RABGAP1: variants seen among roughly 807,000 people sequenced by gnomAD.
RABGAP1 encodes the protein RAB GTPase activating protein 1, also known as rab GTPase-activating protein 1.
Under a neutral mutation model 137.6 loss-of-function variants are expected in RABGAP1, and 23 were observed. The observed-to-expected ratio is 0.17, with a 90% confidence interval of 0.12 to 0.24. The LOEUF (loss-of-function observed/expected upper bound fraction) is 0.24. RABGAP1 is among the 10% of genes least tolerant of loss of function. The pLI is 1.00. For synonymous variants in RABGAP1, 451 were observed against 450.7 expected (o/e 1.00, Z -0.01); for missense variants, 906 against 1,275.8 (o/e 0.71, Z 4.42).
chr9:123,051,216 G>GTTTTTTTTTTTTTTTTTTTT lies in RABGAP1; in HGVS notation c.1795-14103_1795-14084dup, dbSNP rs552457119. 5.8e-5 allele frequency among the ~76,000 whole-genome samples: 2 copies of GTTTTTTTTTTTTTTTTTTTT among 34,280 alleles called. 1 individual carries two copies. Among genetic ancestry groups the GTTTTTTTTTTTTTTTTTTTT allele is most frequent in the Non-Finnish European group, 1.1e-4 (2 of 17,836 alleles). 22.5% of individuals were successfully genotyped at this position (34,280 alleles called of 152,430 possible). A position where few individuals can be genotyped will look rare whatever the true frequency, so the allele number is the denominator to read the frequency against. On this transcript the variant is annotated intron_variant, in intron 13 of 25. Transcript: ENST00000373647. ...ACATGTTGTGATTTTATTCACCTTGGTTTTTTTTTTTTTTTTTTTTTTTTT... is the reference window on the plus strand; with the variant it reads ...ACATGTTGTGATTTTATTCACCTTGGTTTTTTTTTTTTTTTTTTTTTTTTTTTTTTTTTTTTTTTTTTTTT...
In RABGAP1 at chr9:122,967,435, G is replaced by A. The variant is rs527419121; in HGVS notation, c.150+10226G>A. The stretch of plus-strand genomic sequence containing the variant: ...TTGGCAGGAATTATTTAGTAAAAAG[G>A]GTATGTTACTAGTATGAAGAGAGAG... On this transcript the variant is annotated intron_variant, in intron 2 of 25. Transcript: ENST00000373647. Among the ~76,000 whole-genome samples, 13 of 152,274 alleles carry A rather than the reference G, an allele frequency of 8.5e-5. 2 individuals are homozygous for A. In the South Asian group the frequency reaches 2.5e-3, roughly 29 times the overall value.
chr9:123,015,065 A>G (rs993688534), intron 11 of RABGAP1, among the ~76,000 whole-genome samples: 18 of 152,340 alleles, frequency 1.2e-4, no homozygotes, highest in Non-Finnish European at 2.4e-4. Flanking sequence ...GAGCCAAACC[A>G]TATCATTATT....
chr9:122,979,560 C>G (rs2131723632), intron 2 of RABGAP1, among the ~76,000 whole-genome samples: 1 of 152,252 alleles, frequency 6.6e-6, no homozygotes, highest in East Asian at 1.9e-4. Context: ...AAAGATTTCT[C>G]CTGTGTTTTA....
At chr9:122,937,598 A>C (rs1308310254), upstream of RABGAP1, 1 of 151,252 alleles carries the variant, frequency 6.6e-6, no homozygotes, top group Non-Finnish European at 1.5e-5. Context: ...CTCTATCTCC[A>C]AAAAAAAACA....
chr9:122,969,452 G>A (rs1367266874), intron 2 of RABGAP1, among the ~76,000 whole-genome samples: 1 of 152,106 alleles, frequency 6.6e-6, no homozygotes, highest in Admixed American at 6.5e-5. Context: ...TTTAATTTCA[G>A]TACATTTGTA....
chr9:123,038,241 A>G (rs1275098428), intron 13 of RABGAP1, among the ~76,000 whole-genome samples: 1 of 152,180 alleles, frequency 6.6e-6, no homozygotes, highest in African/African-American at 2.4e-5. Context: ...CTCTTACTCA[A>G]AATTCCATTT....
chr9:122,954,310 A>G (rs182540932), intron 1 of RABGAP1, among the ~76,000 whole-genome samples: 5 of 152,320 alleles, frequency 3.3e-5, no homozygotes, highest in East Asian at 1.9e-4. Flanking sequence ...ACTTCTGTCT[A>G]TGGAGGCCAG....
chr9:123,006,650 C>T (rs1196168425), intron 10 of RABGAP1, among the ~76,000 whole-genome samples: 1 of 152,114 alleles, frequency 6.6e-6, no homozygotes, highest in South Asian at 2.1e-4. Context: ...TCTGTCAACC[C>T]AGGCTAGAGT....
At chr9:122,943,804 T>A (rs1833758370) in intron 1 of RABGAP1, among the ~76,000 whole-genome samples, 2 of 152,054 alleles carry the variant, frequency 1.3e-5, no homozygotes, top group Non-Finnish European at 2.9e-5. Flanking sequence ...ATACAAAAAA[T>A]TAGCCAGGCG....
At chr9:123,095,206 GAC>G (rs1385306345) in intron 21 of RABGAP1, among the ~76,000 whole-genome samples, 2 of 126,006 alleles carry the variant, frequency 1.6e-5, no homozygotes, top group African/African-American at 3.0e-5. Flanking sequence ...CAGCCTGGGT[GAC>G]AGAGTGAAAC....
chr9:123,035,550 T>G, intron 13 of RABGAP1: 1 of 1,613,718 alleles, frequency 6.2e-7, no homozygotes, highest in Non-Finnish European at 8.5e-7. Context: ...CTTGTGCAAG[T>G]CAGACTACAG....
At chr9:122,996,317 T>A in intron 7 of RABGAP1, 166 bp downstream of exon 7, 7 of 1,279,600 alleles carry the variant, frequency 5.5e-6, no homozygotes, top group Non-Finnish European at 7.3e-6. Context: ...ATAGCTACTA[T>A]AAATAATCAG....
chr9:122,984,910 A>T (rs1047827719), intron 3 of RABGAP1, among the ~76,000 whole-genome samples, 191 bp downstream of exon 3: 1 of 152,142 alleles, frequency 6.6e-6, no homozygotes, highest in East Asian at 1.9e-4. Flanking sequence ...TACCATTCTG[A>T]TTTCCTTTTA....
At chr9:123,004,877 C>T (rs1396384948) in intron 10 of RABGAP1, among the ~76,000 whole-genome samples, 5 of 151,474 alleles carry the variant, frequency 3.3e-5, no homozygotes, top group African/African-American at 9.7e-5. Flanking sequence ...ACCAACATGG[C>T]GAAACCCTGT....
intron 13 of RABGAP1, chr9:123,029,687 C>T (rs1048765243): frequency 5.9e-6 from 4 of 679,576 alleles, no homozygotes; most frequent in Non-Finnish European, 1.1e-5. Context: ...GGTTTGTTCA[C>T]TGGGTCTTTG....
intron 12 of RABGAP1, 111 bp downstream of exon 12, chr9:123,015,747 GT>G (rs1564134225): frequency 3.2e-6 from 2 of 625,054 alleles, no homozygotes; most frequent in African/African-American, 3.8e-5. Flanking sequence ...TAAGCGCAAT[GT>G]TTGCATTCTG....
chr9:123,055,003 G>A (rs1456223871), intron 13 of RABGAP1, among the ~76,000 whole-genome samples: 1 of 152,064 alleles, frequency 6.6e-6, no homozygotes, highest in Non-Finnish European at 1.5e-5. Flanking sequence ...ATACTGTACT[G>A]TACTCTTCTG....
intron 2 of RABGAP1, among the ~76,000 whole-genome samples, chr9:122,968,011 A>G (rs1208507348): frequency 1.3e-5 from 2 of 152,102 alleles, no homozygotes; most frequent in African/African-American, 4.8e-5. Flanking sequence ...TACAGGTGTG[A>G]GCCACCATGC....
At chr9:122,956,147 A>G (rs1302961540) in intron 1 of RABGAP1, among the ~76,000 whole-genome samples, 2 of 152,312 alleles carry the variant, frequency 1.3e-5, no homozygotes, top group South Asian at 2.1e-4. Context: ...GCTGAGTTCT[A>G]AGAAACTGTG....
Sources: allele counts gnomAD v4.1 joint callset (sites outside exome capture counted in the v4.1 genomes callset), GRCh38; gene constraint gnomAD v4.1.1; transcripts MANE v1.5; gene names NCBI Gene and HGNC (gene_info 2026-07-23, HGNC 2026-07-21).